The following RBFOX1 variants were observed in gnomAD, a reference collection of about 807,000 sequenced individuals.
RBFOX1 encodes RNA binding fox-1 homolog 1.
A neutral mutation model predicts 57.7 loss-of-function variants in RBFOX1; 8 were observed. That is an observed-to-expected ratio of 0.14 (90% CI 0.08 to 0.25). The LOEUF is 0.25. Among genes scored for constraint, RBFOX1 ranks in the 10% least tolerant of loss-of-function variants. RBFOX1 has a pLI of 1.00. For missense variants in RBFOX1, 611 were observed against 548.5 expected (o/e 1.11, Z -1.14); for synonymous variants, 326 against 222.4 (o/e 1.47, Z -4.15).
chr16:7,434,756 C>G (rs996123427), intron 4 of RBFOX1, among the ~76,000 whole-genome samples: 1 of 148,370 alleles, frequency 6.7e-6, no homozygotes, highest in African/African-American at 2.5e-5. Flanking sequence ...TTTTTCTTTC[C>G]TGAGATTGAG....
chr16:6,077,755 C>T (rs1371136893), intron 1 of RBFOX1, among the ~76,000 whole-genome samples: 1 of 150,040 alleles, frequency 6.7e-6, no homozygotes, highest in Non-Finnish European at 1.5e-5. Context: ...CTTGCTCTGT[C>T]ACCCAGGCTG....
At chr16:7,470,910 T>C (rs890036228) in intron 4 of RBFOX1, among the ~76,000 whole-genome samples, 2 of 145,442 alleles carry the variant, frequency 1.4e-5, no homozygotes, top group African/African-American at 2.5e-5. Flanking sequence ...TTTGCTTTAC[T>C]TTTTTTTTTT....
In RBFOX1 at chr16:6,953,217, C is replaced by G. The variant is rs1164807298; in HGVS notation, c.-15-98840C>G. 7.2e-5 allele frequency among the ~76,000 whole-genome samples: 11 copies of G among 152,186 alleles called. No homozygotes were observed. The East Asian group carries it at 1.9e-3, about 27-fold the overall frequency. The stretch of plus-strand genomic sequence containing the variant: ...AAGCTGGGTATGTGTCCGGTGCTCT[C>G]AGACCTGTTACCTATGGTACTCTTT... On this transcript the variant is annotated intron_variant, in intron 3 of 15. Coordinates refer to ENST00000550418, the MANE Select transcript of RBFOX1 (RefSeq NM_018723.4).
chr16:5,983,667 A>G (rs149285894), intron 4 of RBFOX1, among the ~76,000 whole-genome samples: 8 of 151,968 alleles, frequency 5.3e-5, no homozygotes, highest in Non-Finnish European at 8.8e-5. Flanking sequence ...CTGTAACTCA[A>G]CCTCCATCCT....
chr16:5,294,016 G>A (rs1458950656), intron 1 of RBFOX1, among the ~76,000 whole-genome samples: 2 of 152,128 alleles, frequency 1.3e-5, no homozygotes, highest in African/African-American at 2.4e-5. Context: ...AACACCTGAG[G>A]CCAGGAGTTC....
At chr16:6,482,965 C>G (rs1354892750) in intron 2 of RBFOX1, among the ~76,000 whole-genome samples, 1 of 152,156 alleles carries the variant, frequency 6.6e-6, no homozygotes, top group Admixed American at 6.6e-5. Context: ...TGCAAGGTGC[C>G]CTATTCTGTC....
chr16:6,995,804 G>T (rs1410506343), intron 3 of RBFOX1, among the ~76,000 whole-genome samples: 1 of 151,984 alleles, frequency 6.6e-6, no homozygotes, highest in Non-Finnish European at 1.5e-5. Context: ...AGGCTTTGAG[G>T]TAAAAGCTAG....
At chr16:5,271,500 C>G (rs1287248685) in intron 1 of RBFOX1, among the ~76,000 whole-genome samples, 1 of 152,282 alleles carries the variant, frequency 6.6e-6, no homozygotes, top group Admixed American at 6.5e-5. Flanking sequence ...AACTGAGACA[C>G]TGGCTGTGAG....
intron 3 of RBFOX1, among the ~76,000 whole-genome samples, chr16:5,761,251 A>AT (rs1460180416): frequency 6.6e-6 from 1 of 152,174 alleles, no homozygotes; most frequent in East Asian, 1.9e-4. Flanking sequence ...TCTGAAGAGT[A>AT]ATATAGAAGC....
At chr16:5,561,848 G>T (rs1304676207) in intron 2 of RBFOX1, among the ~76,000 whole-genome samples, 1 of 152,012 alleles carries the variant, frequency 6.6e-6, no homozygotes, top group Non-Finnish European at 1.5e-5. Flanking sequence ...TTAAGTTTAG[G>T]GTCATGACCC....
intron 4 of RBFOX1, among the ~76,000 whole-genome samples, chr16:7,075,279 C>T (rs1296041518): frequency 6.6e-6 from 1 of 152,184 alleles, no homozygotes. Context: ...TCTTCAAATG[C>T]AAGCAGTTAT....
intron 1 of RBFOX1, among the ~76,000 whole-genome samples, chr16:6,252,983 A>AAT (rs2097631739): frequency 6.6e-6 from 1 of 152,138 alleles, no homozygotes; most frequent in Non-Finnish European, 1.5e-5. Context: ...CTTTCTTCGT[A>AAT]ATATCTCTGT....
intron 8 of RBFOX1, 152 bp downstream of exon 8, chr16:7,595,793 A>G (rs1290993716): frequency 3.0e-6 from 1 of 333,790 alleles, no homozygotes; most frequent in East Asian, 8.9e-5. Flanking sequence ...TATAAAAAGG[A>G]AAACTGGCCT....
At chr16:6,668,793 C>G (rs957529974) in intron 3 of RBFOX1, among the ~76,000 whole-genome samples, 1 of 130,264 alleles carries the variant, frequency 7.7e-6, no homozygotes, top group Non-Finnish European at 1.6e-5. Flanking sequence ...TCATGTGCCA[C>G]TTATTTTACT....
At chr16:7,330,925 T>C (rs2096682852) in intron 4 of RBFOX1, among the ~76,000 whole-genome samples, 1 of 152,100 alleles carries the variant, frequency 6.6e-6, no homozygotes, top group Non-Finnish European at 1.5e-5. Flanking sequence ...GTGTTGAAAG[T>C]CATCGTCAAA....
intron 3 of RBFOX1, among the ~76,000 whole-genome samples, chr16:6,960,276 C>A (rs6500889): frequency 0.65 from 98,716 of 151,446 alleles, 32,318 homozygotes; most frequent in African/African-American, 0.7. Context: ...GGTCTTCAGG[C>A]CTCAGATCTT....
intron 4 of RBFOX1, among the ~76,000 whole-genome samples, chr16:7,398,763 C>T (rs574805702): frequency 2.6e-5 from 4 of 152,318 alleles, no homozygotes; most frequent in African/African-American, 9.6e-5. Flanking sequence ...GCTCTAGCCC[C>T]ATGTGGCTGG....
chr16:5,980,995 GCCTGCCTC>G (rs2060161595), intron 4 of RBFOX1, among the ~76,000 whole-genome samples: 2 of 152,298 alleles, frequency 1.3e-5, no homozygotes, highest in South Asian at 4.1e-4. Flanking sequence ...CAGACCCACA[GCCTGCCTC>G]CCTGGGAGCT....
chr16:5,759,125 C>A (rs1180857823), intron 3 of RBFOX1, among the ~76,000 whole-genome samples: 6 of 152,094 alleles, frequency 3.9e-5, no homozygotes, highest in Non-Finnish European at 5.9e-5. Flanking sequence ...TCTTCACTTT[C>A]CTTTTGATGT....
Sources: allele counts gnomAD v4.1 joint callset (sites outside exome capture counted in the v4.1 genomes callset), GRCh38; gene constraint gnomAD v4.1.1; transcripts MANE v1.5; gene names NCBI Gene and HGNC (gene_info 2026-07-23, HGNC 2026-07-21).